LMX1A: variants seen among roughly 807,000 people sequenced by gnomAD.
LMX1A encodes the protein LIM homeobox transcription factor 1 alpha.
A neutral mutation model predicts 49.1 loss-of-function variants in LMX1A; 15 were observed. The ratio of observed to expected loss-of-function variants is 0.31; its 90% confidence interval spans 0.20 to 0.47. The LOEUF (loss-of-function observed/expected upper bound fraction) is 0.47. LMX1A is among the 20% of genes least tolerant of loss of function. The pLI is 1.00. For missense variants in LMX1A, 372 were observed against 475.8 expected (o/e 0.78, Z 2.03); for synonymous variants, 167 against 185.7 (o/e 0.90, Z 0.82).
intron 3 of LMX1A, among the ~76,000 whole-genome samples, chr1:165,279,705 A>G (rs746713790): frequency 2.0e-5 from 3 of 152,216 alleles, no homozygotes; most frequent in Non-Finnish European, 4.4e-5. Flanking sequence ...TAGTGACTCG[A>G]TAATAATAAA....
intron 3 of LMX1A, among the ~76,000 whole-genome samples, chr1:165,332,911 T>C (rs1041313812): frequency 1.3e-5 from 2 of 152,208 alleles, no homozygotes; most frequent in African/African-American, 4.8e-5. Context: ...TCCAGGGCTT[T>C]GTCTTACACA....
intron 6 of LMX1A, among the ~76,000 whole-genome samples, chr1:165,210,007 G>A (rs1380446535): frequency 6.6e-6 from 1 of 152,234 alleles, no homozygotes; most frequent in Non-Finnish European, 1.5e-5. Context: ...CTTGCTTGGT[G>A]TATGGAGAAT....
chr1:165,326,269 C>T (rs557137878), intron 3 of LMX1A, among the ~76,000 whole-genome samples: 6 of 152,266 alleles, frequency 3.9e-5, no homozygotes, highest in Non-Finnish European at 5.9e-5. Flanking sequence ...TCACTGAGTC[C>T]GATTTCCATA....
intron 3 of LMX1A, among the ~76,000 whole-genome samples, chr1:165,262,643 T>G (rs1653480956): frequency 6.6e-6 from 1 of 152,208 alleles, no homozygotes; most frequent in Non-Finnish European, 1.5e-5. Context: ...CTCTTCCACT[T>G]AGGTGCTAAA....
chr1:165,313,507 T>C (rs1655133767), intron 3 of LMX1A, among the ~76,000 whole-genome samples: 1 of 150,320 alleles, frequency 6.7e-6, no homozygotes, highest in Middle Eastern at 3.4e-3. Context: ...TTGTTGTTGT[T>C]ATTGGGGTCA....
chr1:165,339,170 C>A, intron 3 of LMX1A, among the ~76,000 whole-genome samples: 1 of 152,256 alleles, frequency 6.6e-6, no homozygotes, highest in East Asian at 1.9e-4. Flanking sequence ...TCACCCTACT[C>A]TCCAGTCTGG....
At chr1:165,223,163 T>C (rs1473270537) in intron 4 of LMX1A, among the ~76,000 whole-genome samples, 2 of 152,182 alleles carry the variant, frequency 1.3e-5, no homozygotes, top group Non-Finnish European at 2.9e-5. Flanking sequence ...ACTTTTCTCT[T>C]TGTAAAATCA....
chr1:165,212,647 A>T (rs189232023), intron 5 of LMX1A, among the ~76,000 whole-genome samples: 1 of 152,156 alleles, frequency 6.6e-6, no homozygotes, highest in East Asian at 1.9e-4. Context: ...TCTTTTTATC[A>T]TGTAAAAGAT....
intron 3 of LMX1A, among the ~76,000 whole-genome samples, chr1:165,281,000 T>C (rs1308146705): frequency 6.6e-6 from 1 of 152,162 alleles, no homozygotes; most frequent in Non-Finnish European, 1.5e-5. Flanking sequence ...ATTCATTTTC[T>C]GCAGAAGGTG....
rs1217019022 is a variant in LMX1A, at chr1:165,324,885, T to C, written c.263+28191A>G. 5.3e-5 allele frequency among the ~76,000 whole-genome samples: 8 copies of C among 152,236 alleles called. No individual in the cohort carries two copies. In the East Asian group the frequency reaches 1.5e-3, roughly 29 times the overall value. Reference sequence around the variant, plus strand: ...ATTTAGTTAAGCCAGCTTTCTTCTTTGTGCTGAAACATAGTAAGTAAATGT... The same window carrying C: ...ATTTAGTTAAGCCAGCTTTCTTCTTCGTGCTGAAACATAGTAAGTAAATGT... On this transcript the variant is annotated intron_variant, in intron 3 of 8. Transcript: ENST00000342310.
At chr1:165,350,810 T>C (rs1443174700) in intron 3 of LMX1A, among the ~76,000 whole-genome samples, 1 of 152,216 alleles carries the variant, frequency 6.6e-6, no homozygotes, top group Non-Finnish European at 1.5e-5. Context: ...TCTGGAAATC[T>C]ATGGTTCCAA....
At chr1:165,232,035 C>T (rs958745243) in intron 4 of LMX1A, among the ~76,000 whole-genome samples, 31 of 152,202 alleles carry the variant, frequency 2.0e-4, no homozygotes, top group Non-Finnish European at 4.4e-5. Flanking sequence ...TCTGCTGTCC[C>T]ACAAGGATGT....
intron 3 of LMX1A, among the ~76,000 whole-genome samples, chr1:165,329,146 T>C (rs1198844457): frequency 1.3e-5 from 2 of 152,314 alleles, no homozygotes; most frequent in Admixed American, 6.5e-5. Context: ...ATGTCTTACA[T>C]GCTGGCAGGT....
chr1:165,278,348 G>A (rs1252748169), intron 3 of LMX1A, among the ~76,000 whole-genome samples: 2 of 152,208 alleles, frequency 1.3e-5, no homozygotes, highest in African/African-American at 4.8e-5. Flanking sequence ...CTGTGTCTGG[G>A]ACGTGCTCCC....
intron 3 of LMX1A, among the ~76,000 whole-genome samples, chr1:165,260,944 T>C (rs1653414784): frequency 6.6e-6 from 1 of 152,192 alleles, no homozygotes; most frequent in Non-Finnish European, 1.5e-5. Flanking sequence ...TGTGTAAACA[T>C]CTTAGCTCTG....
intron 3 of LMX1A, among the ~76,000 whole-genome samples, chr1:165,286,731 G>A (rs995107260): frequency 6.6e-6 from 1 of 152,098 alleles, no homozygotes; most frequent in African/African-American, 2.4e-5. Context: ...TAAATTACCC[G>A]AAATCATATA....
At chr1:165,261,963 T>A (rs1386901287) in intron 3 of LMX1A, among the ~76,000 whole-genome samples, 1 of 152,198 alleles carries the variant, frequency 6.6e-6, no homozygotes, top group Admixed American at 6.5e-5. Flanking sequence ...AGCACAACAG[T>A]ATGAATGTAC....
rs536899296 is a variant in LMX1A, at chr1:165,299,864, C to T, written c.264-50224G>A. Among the ~76,000 whole-genome samples, 8 of 152,094 alleles carry T rather than the reference C, an allele frequency of 5.3e-5. No homozygotes were observed. In the East Asian group the frequency reaches 1.4e-3, roughly 26 times the overall value. On this transcript the variant is annotated intron_variant, in intron 3 of 8. Transcript: ENST00000342310. ...GGTGGCAGTTAGTTCTTCCTGACCC[C>T]TTACTTTATCTCCCAAATACCTTCT...
intron 4 of LMX1A, among the ~76,000 whole-genome samples, chr1:165,231,349 G>T (rs1478102581): frequency 4.6e-5 from 7 of 151,658 alleles, no homozygotes; most frequent in African/African-American, 1.7e-4. Flanking sequence ...TACTACCCAG[G>T]CTGGAGTGCA....
Sources: gnomAD v4.1 joint callset for allele counts (sites outside exome capture counted in the v4.1 genomes callset) on GRCh38, gnomAD v4.1.1 for gene constraint, MANE v1.5 for transcripts, NCBI Gene and HGNC (gene_info 2026-07-23, HGNC 2026-07-21) for gene names.